Variants in AGBL1 observed in about 807,000 individuals in gnomAD.
AGBL1 encodes the protein AGBL carboxypeptidase 1, also known as cytosolic carboxypeptidase 4.
In AGBL1, 130 loss-of-function variants were observed where a neutral mutation model predicts 118.9. That is an observed-to-expected ratio of 1.09 (90% CI 0.95 to 1.26). AGBL1 has a LOEUF of 1.26. Ranked by LOEUF, AGBL1 falls within the 50% of genes most tolerant of loss-of-function variation. AGBL1 has a pLI of 0.00. For missense variants in AGBL1, 1,584 were observed against 1,298.1 expected (o/e 1.22, Z -3.38); for synonymous variants, 555 against 478.9 (o/e 1.16, Z -2.08).
intron 23 of AGBL1, among the ~76,000 whole-genome samples, chr15:86,976,219 G>C (rs2081175471): frequency 6.7e-6 from 1 of 149,634 alleles, no homozygotes; most frequent in Admixed American, 6.7e-5. Flanking sequence ...ATTTATTCTA[G>C]TAATATATAT....
At chr15:86,510,228 C>G (rs1245872923) in intron 18 of AGBL1, among the ~76,000 whole-genome samples, 1 of 152,076 alleles carries the variant, frequency 6.6e-6, no homozygotes. Flanking sequence ...ACATTGACAT[C>G]CTCTAAAGAA....
intron 22 of AGBL1, among the ~76,000 whole-genome samples, chr15:86,870,486 A>AAAAAAAAAAAAAAAAAAG (rs2079709756): frequency 8.0e-6 from 1 of 124,600 alleles, no homozygotes; most frequent in Non-Finnish European, 1.8e-5. Flanking sequence ...AAAAAAAAAA[A>AAAAAAAAAAAAAAAAAAG]AAAAAAAAAA....
intron 22 of AGBL1, among the ~76,000 whole-genome samples, chr15:86,721,966 T>C (rs1187990834): frequency 6.6e-6 from 1 of 152,138 alleles, no homozygotes; most frequent in Middle Eastern, 3.2e-3. Context: ...GAAGGACCTC[T>C]TCAAGGAGAA....
intron 5 of AGBL1, among the ~76,000 whole-genome samples, chr15:86,203,866 C>A (rs1343020245): frequency 6.6e-6 from 1 of 152,114 alleles, no homozygotes; most frequent in African/African-American, 2.4e-5. Flanking sequence ...CTTATTCATT[C>A]ATTCTTTATT....
At chr15:86,982,074 G>A (rs910539255) in intron 23 of AGBL1, among the ~76,000 whole-genome samples, 5 of 152,092 alleles carry the variant, frequency 3.3e-5, no homozygotes, top group Non-Finnish European at 7.4e-5. Context: ...TCATCAAAAC[G>A]ATGAAGGCCC....
chr15:86,469,923 G>C (rs1199529576), intron 18 of AGBL1, among the ~76,000 whole-genome samples: 1 of 151,894 alleles, frequency 6.6e-6, no homozygotes, highest in African/African-American at 2.4e-5. Flanking sequence ...AAAAAATCAG[G>C]TTACTTGTTT....
chr15:86,434,822 A>C (rs2081980931), intron 18 of AGBL1, among the ~76,000 whole-genome samples: 1 of 152,222 alleles, frequency 6.6e-6, no homozygotes, highest in South Asian at 2.1e-4. Flanking sequence ...AGCTTGATTA[A>C]ATGGACATAG....
At chr15:86,581,018 A>G (rs1411171926) in intron 21 of AGBL1, among the ~76,000 whole-genome samples, 2 of 152,212 alleles carry the variant, frequency 1.3e-5, no homozygotes, top group African/African-American at 4.8e-5. Context: ...CTTCATATGG[A>G]AACTTTCCTT....
rs2080381008 is a variant in AGBL1, at chr15:86,913,591, TG to T, written c.*6299del. On this transcript the variant is annotated 3_prime_UTR_variant, in exon 23 of 23. Coordinates refer to ENST00000614907, the MANE Select transcript of AGBL1 (RefSeq NM_001386094.1). ...TTACAAGGCTGAAGCAGGCAAGGCGTGGTGGCTCACAACTGTAATCCCAGAA... is the reference window on the plus strand; with the variant it reads ...TTACAAGGCTGAAGCAGGCAAGGCGTGTGGCTCACAACTGTAATCCCAGAA... The T allele has an allele frequency of 6.6e-6, 1 of 152,224 alleles. No homozygotes were observed. Among genetic ancestry groups the T allele is most frequent in the South Asian group, 2.1e-4 (1 of 4,840 alleles). The allele number at this position is 152,224 out of a possible 1,614,324, so 9.4% of individuals were successfully genotyped here.
chr15:86,720,870 C>A (rs543425366), intron 22 of AGBL1, among the ~76,000 whole-genome samples: 2 of 152,158 alleles, frequency 1.3e-5, no homozygotes, highest in Non-Finnish European at 2.9e-5. Context: ...ACTATGAACA[C>A]CTCTACACAA....
At chr15:86,496,538 C>T (rs1469004085) in intron 18 of AGBL1, among the ~76,000 whole-genome samples, 3 of 151,794 alleles carry the variant, frequency 2.0e-5, no homozygotes, top group Admixed American at 6.6e-5. Context: ...GTGAGCATTC[C>T]TGTATTTGGA....
chr15:86,757,288 C>T (rs1217389002), intron 22 of AGBL1, among the ~76,000 whole-genome samples: 1 of 152,048 alleles, frequency 6.6e-6, no homozygotes, highest in Non-Finnish European at 1.5e-5. Context: ...GGTTTCTCTA[C>T]ATTCTCTCAT....
chr15:86,383,614 C>G (rs1051271125), intron 17 of AGBL1, among the ~76,000 whole-genome samples: 6 of 152,040 alleles, frequency 3.9e-5, no homozygotes, highest in African/African-American at 1.4e-4. Flanking sequence ...AATAATAAAA[C>G]ATTTCATTGC....
rs12443173 is a variant in AGBL1 at position 86,245,663 on chromosome 15, G to C, written c.527-2008G>C. On this transcript the variant is annotated intron_variant, in intron 6 of 22. Transcript: ENST00000614907. Reference sequence around the variant, plus strand: ...GTCCGTAAAATACGGTTTTATGGGCGGTCCCAAACAGGAATATTGAACTAA... The same window carrying C: ...GTCCGTAAAATACGGTTTTATGGGCCGTCCCAAACAGGAATATTGAACTAA... Among the ~76,000 whole-genome samples the C allele has an allele frequency of 1.1e-3, 162 of 152,096 alleles. 4 individuals are homozygous for C. The highest frequency in any genetic ancestry group is 0.011 in the Admixed American group (162 of 15,280).
intron 18 of AGBL1, among the ~76,000 whole-genome samples, chr15:86,458,037 T>C (rs538605288): frequency 1.3e-5 from 2 of 149,992 alleles, no homozygotes; most frequent in South Asian, 2.1e-4. Flanking sequence ...TTTCCTACTT[T>C]CCTTTTTGGA....
chr15:86,307,914 T>A (rs940937815), intron 17 of AGBL1, among the ~76,000 whole-genome samples: 1 of 152,192 alleles, frequency 6.6e-6, no homozygotes, highest in East Asian at 1.9e-4. Flanking sequence ...CATAACAATT[T>A]GCTCAATGGC....
At chr15:86,673,927 A>C (rs4531707) in intron 21 of AGBL1, among the ~76,000 whole-genome samples, 132,712 of 151,936 alleles carry the variant, frequency 0.87, 58,216 homozygotes, top group Middle Eastern at 0.95. Context: ...GTGAAAAAAA[A>C]CCCTTTTTAA....
intron 24 of AGBL1, among the ~76,000 whole-genome samples, chr15:86,998,051 G>C (rs1474548483): frequency 6.6e-6 from 1 of 152,054 alleles, no homozygotes; most frequent in Non-Finnish European, 1.5e-5. Flanking sequence ...GAATGTCTGT[G>C]ATGTCTTAGG....
At chr15:86,884,019 C>T (rs1393594335) in intron 22 of AGBL1, among the ~76,000 whole-genome samples, 1 of 152,118 alleles carries the variant, frequency 6.6e-6, no homozygotes, top group Non-Finnish European at 1.5e-5. Context: ...TTCTGAGACC[C>T]ATGGATAGAA....
Sources: allele counts gnomAD v4.1 joint callset (sites outside exome capture counted in the v4.1 genomes callset), GRCh38; gene constraint gnomAD v4.1.1; transcripts MANE v1.5; gene names NCBI Gene and HGNC (gene_info 2026-07-23, HGNC 2026-07-21).